Variants in MAP4K4 observed in about 807,000 individuals in gnomAD.
The protein encoded by MAP4K4 is HPK/GCK-like kinase HGK.
Under a neutral mutation model 189.6 loss-of-function variants are expected in MAP4K4, and 38 were observed. That is an observed-to-expected ratio of 0.20 (90% CI 0.15 to 0.26). The LOEUF is 0.26. Among genes scored for constraint, MAP4K4 ranks in the 10% least tolerant of loss-of-function variants. MAP4K4 has a pLI of 1.00. For missense variants in MAP4K4, 1,054 were observed against 1,726.9 expected, an observed-to-expected ratio of 0.61 and a Z score of 6.91; for synonymous variants, 610 against 624.3, an observed-to-expected ratio of 0.98 and a Z score of 0.34.
exon 25 of MAP4K4, chr2:101,873,761 G>T: frequency 6.3e-7 from 1 of 1,590,000 alleles, no homozygotes; most frequent in Non-Finnish European, 8.6e-7. Context: ...AGTGACATCT[G>T]TGGGTAAGTA....
intron 2 of MAP4K4, among the ~76,000 whole-genome samples, chr2:101,785,453 C>G (rs934868643): frequency 6.6e-6 from 1 of 152,068 alleles, no homozygotes; most frequent in African/African-American, 2.4e-5. Flanking sequence ...GGTGAAGGCT[C>G]TATTTTTCAT....
chr2:101,882,196 T>C (rs2098408741), intron 27 of MAP4K4, among the ~76,000 whole-genome samples: 1 of 152,246 alleles, frequency 6.6e-6, no homozygotes, highest in Admixed American at 6.5e-5. Flanking sequence ...GACATACTGA[T>C]AGGTGTATGA....
intron 4 of MAP4K4, among the ~76,000 whole-genome samples, chr2:101,824,331 A>T (rs1312346980): frequency 1.3e-5 from 2 of 152,206 alleles, no homozygotes; most frequent in Non-Finnish European, 2.9e-5. Context: ...CCAAATAGCA[A>T]GGAAATTAGG....
At chr2:101,788,252 A>C (rs534827743) in intron 2 of MAP4K4, among the ~76,000 whole-genome samples, 1 of 152,342 alleles carries the variant, frequency 6.6e-6, no homozygotes, top group African/African-American at 2.4e-5. Flanking sequence ...CAAGGAAATC[A>C]GCATGGGCCT....
At chr2:101,781,548 G>A (rs931046038) in intron 2 of MAP4K4, among the ~76,000 whole-genome samples, 1 of 152,062 alleles carries the variant, frequency 6.6e-6, no homozygotes, top group Non-Finnish European at 1.5e-5. Flanking sequence ...GAGAGGGAGG[G>A]GGAAGGGGAC....
At chr2:101,720,436 A>T (rs553710611) in intron 2 of MAP4K4, among the ~76,000 whole-genome samples, 33 of 152,272 alleles carry the variant, frequency 2.2e-4, no homozygotes, top group Non-Finnish European at 3.7e-4. Flanking sequence ...GAAGTCCTGG[A>T]CTATAGAATG....
At chr2:101,734,185 G>T (rs924868558) in intron 2 of MAP4K4, among the ~76,000 whole-genome samples, 4 of 152,138 alleles carry the variant, frequency 2.6e-5, no homozygotes, top group Non-Finnish European at 4.4e-5. Flanking sequence ...AATAGAAAAG[G>T]TTAAAGTTTT....
chr2:101,814,484 A>C (rs1576090161), intron 3 of MAP4K4, among the ~76,000 whole-genome samples: 1 of 152,230 alleles, frequency 6.6e-6, no homozygotes, highest in Non-Finnish European at 1.5e-5. Context: ...TTTGAAGTGG[A>C]AAATGCCATT....
chr2:101,859,825 G>A, exon 15 of MAP4K4: 1 of 1,609,854 alleles, frequency 6.2e-7, no homozygotes, highest in Non-Finnish European at 8.5e-7. Flanking sequence ...ATGCTCCCGA[G>A]CCCAAAGCCC....
intron 3 of MAP4K4, among the ~76,000 whole-genome samples, chr2:101,804,155 A>C (rs1454760277): frequency 6.6e-6 from 1 of 151,304 alleles, no homozygotes; most frequent in Non-Finnish European, 1.5e-5. Context: ...CACAGGTCAG[A>C]CTCTCTCCCT....
intron 2 of MAP4K4, among the ~76,000 whole-genome samples, chr2:101,718,732 A>G (rs2050014190): frequency 6.6e-6 from 1 of 152,076 alleles, no homozygotes; most frequent in Non-Finnish European, 1.5e-5. Flanking sequence ...TCTTCCTCAG[A>G]GCCTCTCATA....
intron 21 of MAP4K4, 115 bp downstream of exon 21, chr2:101,868,152 T>G: frequency 1.7e-6 from 2 of 1,188,140 alleles, no homozygotes; most frequent in Non-Finnish European, 2.4e-6. Context: ...CTTGTTCTTT[T>G]CTAGAATTTA....
At chr2:101,839,736 T>C in intron 9 of MAP4K4, 83 bp from the exon 10 acceptor site, 1 of 1,040,554 alleles carries the variant, frequency 9.6e-7, no homozygotes, top group Non-Finnish European at 1.4e-6. Flanking sequence ...AGCTCTTCTT[T>C]ATGTTGAGGC....
chr2:101,745,591 G>A (rs571283235), intron 2 of MAP4K4, among the ~76,000 whole-genome samples: 1 of 152,058 alleles, frequency 6.6e-6, no homozygotes, highest in South Asian at 2.1e-4. Context: ...AAATGCCACG[G>A]TCATACTTAC....
chr2:101,869,964 T>C, intron 22 of MAP4K4, 167 bp downstream of exon 22: 1 of 834,928 alleles, frequency 1.2e-6, no homozygotes. Context: ...TCTTCGTTGG[T>C]GTGTGCATAT....
At chr2:101,765,571 C>T (rs939117503) in intron 2 of MAP4K4, among the ~76,000 whole-genome samples, 3 of 152,046 alleles carry the variant, frequency 2.0e-5, no homozygotes, top group South Asian at 2.1e-4. Context: ...GCAGTCCACC[C>T]GTCTCAGCCT....
At chr2:101,855,866 A>C (rs375897710) in intron 12 of MAP4K4, 111 bp from the exon 13 acceptor site, 2 of 1,059,990 alleles carry the variant, frequency 1.9e-6, no homozygotes, top group African/African-American at 3.2e-5. Context: ...TATGGGGCCC[A>C]TGAACCTCAC....
chr2:101,859,692 A>T (rs1314781056), exon 15 of MAP4K4: 2 of 1,612,244 alleles, frequency 1.2e-6, no homozygotes, highest in South Asian at 1.1e-5. Flanking sequence ...GAGAGGCTCC[A>T]GAGGCAGTTG....
At position 101,712,508 on chromosome 2, in the gene MAP4K4, A is replaced by AT. The variant is rs888185289; in HGVS notation, c.123+13979dup. 4.1e-3 allele frequency among the ~76,000 whole-genome samples: 569 copies of AT among 139,318 alleles called. 2 individuals are homozygous for AT. Among genetic ancestry groups the AT allele is most frequent in the African/African-American group, 0.015 (545 of 37,568 alleles). The allele number at this position is 139,318 out of a possible 152,430, so 91.4% of individuals were successfully genotyped here. A position where few individuals can be genotyped will look rare whatever the true frequency, so the allele number is the denominator to read the frequency against. On this transcript the variant is annotated intron_variant, in intron 2 of 32. Transcript: ENST00000324219. ...TGTGCCTGGCCCTATTTTTTATTTT[A>AT]TTTTTTTTTGAGACAGTATCTCCCT...
Sources: gnomAD v4.1 joint callset for allele counts (sites outside exome capture counted in the v4.1 genomes callset) on GRCh38, gnomAD v4.1.1 for gene constraint, MANE v1.5 for transcripts, NCBI Gene and HGNC (gene_info 2026-07-23, HGNC 2026-07-21) for gene names.